LUC7L: variants seen among roughly 807,000 people sequenced by gnomAD.
LUC7L encodes LUC7 like.
A neutral mutation model predicts 51.1 loss-of-function variants in LUC7L; 29 were observed. That is an observed-to-expected ratio of 0.57 (90% CI 0.42 to 0.77). The LOEUF is 0.77. Ranked by LOEUF, LUC7L falls within the 30% of genes least tolerant of loss-of-function variation. The pLI is 0.00. For missense variants in LUC7L, 403 were observed against 511.9 expected (o/e 0.79, Z 2.05); for synonymous variants, 181 against 180.7 (o/e 1.00, Z -0.01).
At chr16:204,551 A>G (rs1984990) in intron 5 of LUC7L, among the ~76,000 whole-genome samples, 81,733 of 150,480 alleles carry the variant, frequency 0.54, 22,800 homozygotes, top group African/African-American at 0.67. Context: ...CTGAGATCGC[A>G]CCACTGCACT....
At chr16:228,368 G>T in intron 1 of LUC7L, 1 of 1,303,994 alleles carries the variant, frequency 7.7e-7, no homozygotes, top group Non-Finnish European at 1.0e-6. Context: ...CAACTCCCTT[G>T]CAGATTGATG....
intron 6 of LUC7L, among the ~76,000 whole-genome samples, chr16:197,027 C>T (rs1268823295): frequency 6.6e-6 from 1 of 151,200 alleles, no homozygotes; most frequent in African/African-American, 2.4e-5. Flanking sequence ...CCTGCCTCGG[C>T]CTCCCGAGTA....
intron 3 of LUC7L, chr16:220,289 C>A (rs2858092): frequency 0.23 from 38,082 of 162,510 alleles, 5,424 homozygotes; most frequent in East Asian, 0.32. Flanking sequence ...CTATATGCAA[C>A]AACCTGGGCA....
chr16:220,974 T>C (rs1160625736), intron 2 of LUC7L, among the ~76,000 whole-genome samples: 1 of 152,208 alleles, frequency 6.6e-6, no homozygotes, highest in Non-Finnish European at 1.5e-5. Flanking sequence ...GTAAAGTTTC[T>C]ATTTTAGACC....
intron 2 of LUC7L, among the ~76,000 whole-genome samples, chr16:226,270 C>CT (rs2050131167): frequency 6.6e-6 from 1 of 152,098 alleles, no homozygotes; most frequent in Admixed American, 6.6e-5. Flanking sequence ...AGAAAACTTC[C>CT]TTTAACATAT....
intron 2 of LUC7L, among the ~76,000 whole-genome samples, chr16:226,527 T>C (rs1325087845): frequency 6.6e-6 from 1 of 152,228 alleles, no homozygotes; most frequent in African/African-American, 2.4e-5. Context: ...ATTCATTAGA[T>C]AGCATGTTGA....
chr16:197,683 T>C (rs2049190917), intron 6 of LUC7L, among the ~76,000 whole-genome samples: 2 of 152,194 alleles, frequency 1.3e-5, no homozygotes, highest in African/African-American at 4.8e-5. Context: ...GTTCACACCA[T>C]CACCTATGGG....
intron 4 of LUC7L, among the ~76,000 whole-genome samples, chr16:206,698 T>C (rs374446274): frequency 2.4e-4 from 37 of 152,176 alleles, no homozygotes; most frequent in African/African-American, 8.4e-4. Context: ...ATGATATGGA[T>C]GTACCACAGT....
At chr16:205,976 C>G (rs779035297) in intron 5 of LUC7L, 28 bp downstream of exon 5, 1 of 1,589,682 alleles carries the variant, frequency 6.3e-7, no homozygotes, top group South Asian at 1.2e-5. Flanking sequence ...TAAGATTTCT[C>G]TTGCCCTAAG....
chr16:209,831 C>G (rs1398941915), intron 3 of LUC7L: 4 of 152,078 alleles, frequency 2.6e-5, no homozygotes, highest in Admixed American at 2.0e-4. Flanking sequence ...CTCTAGAAAT[C>G]TTAAATATTT....
intron 7 of LUC7L, chr16:190,821 A>C (rs1251960343): frequency 2.0e-6 from 1 of 496,874 alleles, no homozygotes; most frequent in Non-Finnish European, 3.6e-6. Context: ...CAGAGGTTGC[A>C]GTGAGCTGAG....
At chr16:221,186 ATTTTTTTTTTTTTTTT>A (rs372906826) in intron 2 of LUC7L, among the ~76,000 whole-genome samples, 15 of 101,260 alleles carry the variant, frequency 1.5e-4, no homozygotes, top group South Asian at 1.1e-3. Flanking sequence ...CACCCAGCTA[ATTTTTTTTTTTTTTTT>A]TTTTTTTTTT....
intron 2 of LUC7L, among the ~76,000 whole-genome samples, chr16:225,486 CTTT>C (rs1172177139): frequency 3.0e-5 from 3 of 99,418 alleles, no homozygotes; most frequent in African/African-American, 7.6e-5. Context: ...AACTCCGTCT[CTTT>C]TTTTTTTTTT....
At chr16:213,808 A>T (rs1015816758) in intron 3 of LUC7L, among the ~76,000 whole-genome samples, 1 of 151,814 alleles carries the variant, frequency 6.6e-6, no homozygotes, top group Non-Finnish European at 1.5e-5. Flanking sequence ...TCTGCCTCCC[A>T]GGTTCAAGCG....
intron 3 of LUC7L, among the ~76,000 whole-genome samples, chr16:211,566 A>C (rs2049641315): frequency 6.6e-6 from 1 of 152,198 alleles, no homozygotes; most frequent in Non-Finnish European, 1.5e-5. Flanking sequence ...CTCTCCCTTC[A>C]AAGTGTTTCT....
chr16:224,331 C>G (rs1206671108), intron 2 of LUC7L, among the ~76,000 whole-genome samples: 1 of 150,364 alleles, frequency 6.7e-6, no homozygotes, highest in Non-Finnish European at 1.5e-5. Flanking sequence ...CCAGCCTGGC[C>G]AACGTGGTGA....
intron 3 of LUC7L, among the ~76,000 whole-genome samples, chr16:213,536 AT>A (rs2049702825): frequency 1.3e-5 from 2 of 152,030 alleles, no homozygotes; most frequent in African/African-American, 4.8e-5. Context: ...AGTACCTGGG[AT>A]TGCAGGTGCA....
In LUC7L at chr16:212,660, T is replaced by C. The variant is rs149802308; in HGVS notation, c.256-4472A>G. 2.2e-4 allele frequency among the ~76,000 whole-genome samples: 33 copies of C among 152,322 alleles called. 1 individual carries two copies. The East Asian group carries it at 6.2e-3, about 28-fold the overall frequency. ...TTGAAATGAGCCCATATATGTTGTT[T>C]TGAAAACTTTTCAAAACATCACATG... On this transcript the variant is annotated intron_variant, in intron 3 of 9. Coordinates refer to ENST00000293872, the MANE Select transcript of LUC7L (RefSeq NM_201412.3).
At chr16:201,202 T>A (rs1596619271) in intron 5 of LUC7L, among the ~76,000 whole-genome samples, 5 of 63,000 alleles carry the variant, frequency 7.9e-5, no homozygotes, top group Admixed American at 4.0e-4. Flanking sequence ...GACAAGGAAC[T>A]AGCAAGAACT....
Sources: gnomAD v4.1 joint callset for allele counts (sites outside exome capture counted in the v4.1 genomes callset) on GRCh38, gnomAD v4.1.1 for gene constraint, MANE v1.5 for transcripts, NCBI Gene and HGNC (gene_info 2026-07-23, HGNC 2026-07-21) for gene names.